Variants in TENT5D observed in about 807,000 individuals in gnomAD.
TENT5D encodes cancer/testis antigen 112.
For missense variants in TENT5D, 191 were observed against 287.0 expected (o/e 0.67, Z 2.42); for synonymous variants, 103 against 100.6 (o/e 1.02, Z -0.15).
intron 3 of TENT5D, among the ~76,000 whole-genome samples, chrX:80,398,217 A>G (rs1931323521): frequency 8.9e-6 from 1 of 112,043 alleles, no homozygotes; most frequent in Non-Finnish European, 1.9e-5. Flanking sequence ...TTTGCCTTCT[A>G]TCAAAAATGT....
chrX:80,378,844 T>C (rs1316651623), intron 3 of TENT5D, among the ~76,000 whole-genome samples: 2 of 110,480 alleles, frequency 1.8e-5, no homozygotes, highest in African/African-American at 6.6e-5. Context: ...CATTTCCTAA[T>C]TGATTACCCT....
In TENT5D at chrX:80,353,952, AT is replaced by A. The variant is rs201761388; in HGVS notation, c.-142+11397del. ...TTTGGCAGAATGTGTTATTATTATT[AT>A]TTTTTTTTACTTTTGAACAGTTACC... On this transcript the variant is annotated intron_variant, in intron 3 of 4. Transcript: ENST00000538312. 5.7e-4 allele frequency among the ~76,000 whole-genome samples: 62 copies of A among 109,378 alleles called. No homozygotes were observed. In the East Asian group the frequency reaches 0.014, roughly 24 times the overall value. 95.0% of individuals were successfully genotyped at this position (109,378 alleles called of 115,157 possible). A position where few individuals can be genotyped will look rare whatever the true frequency, so the allele number is the denominator to read the frequency against.
intron 3 of TENT5D, among the ~76,000 whole-genome samples, chrX:80,380,692 G>A (rs1304986716): frequency 9.0e-6 from 1 of 111,689 alleles, no homozygotes; most frequent in Non-Finnish European, 1.9e-5. Flanking sequence ...GTGTTGAATA[G>A]ATCCCTTTAC....
At chrX:80,349,571 C>A (rs1269544244) in intron 3 of TENT5D, among the ~76,000 whole-genome samples, 3 of 109,811 alleles carry the variant, frequency 2.7e-5, no homozygotes. Flanking sequence ...GGCTAGTGGT[C>A]TATTTTGTTA....
At chrX:80,354,790 GT>G (rs1169105622) in intron 3 of TENT5D, among the ~76,000 whole-genome samples, 1 of 106,931 alleles carries the variant, frequency 9.4e-6, no homozygotes, top group Non-Finnish European at 2.0e-5. Context: ...GCTGTTTTTT[GT>G]TTTTGTTTTA....
intron 3 of TENT5D, among the ~76,000 whole-genome samples, chrX:80,377,352 G>A (rs112648277): frequency 0.018 from 1,956 of 110,758 alleles, 43 homozygotes; most frequent in African/African-American, 0.06. Flanking sequence ...CATCATTTAC[G>A]TTAGGTATTT....
chrX:80,397,641 T>C (rs1247534753), intron 3 of TENT5D, among the ~76,000 whole-genome samples: 1 of 51,871 alleles, frequency 1.9e-5, no homozygotes, highest in Non-Finnish European at 3.5e-5. Context: ...CTGGGCACCA[T>C]GGAGCACTGA....
intron 3 of TENT5D, among the ~76,000 whole-genome samples, chrX:80,355,321 G>T (rs1930261810): frequency 8.9e-6 from 1 of 111,889 alleles, no homozygotes; most frequent in African/African-American, 3.2e-5. Context: ...GCCAGGCAGA[G>T]GCTCTGGGAG....
At chrX:80,385,828 A>G (rs1930985769) in intron 3 of TENT5D, among the ~76,000 whole-genome samples, 1 of 112,735 alleles carries the variant, frequency 8.9e-6, no homozygotes, top group Admixed American at 9.4e-5. Flanking sequence ...AAAAATGCTC[A>G]TCATCACTGG....
chrX:80,358,627 A>G (rs973574632), intron 3 of TENT5D, among the ~76,000 whole-genome samples: 1 of 111,922 alleles, frequency 8.9e-6, no homozygotes, highest in Non-Finnish European at 1.9e-5. Flanking sequence ...ATATAATATC[A>G]TCGTACAAAT....
chrX:80,402,921 C>G (rs1335236277), intron 3 of TENT5D, among the ~76,000 whole-genome samples: 1 of 111,771 alleles, frequency 8.9e-6, no homozygotes, highest in East Asian at 2.8e-4. Context: ...ATTTTCACGT[C>G]CAGTGTTTGC....
intron 3 of TENT5D, among the ~76,000 whole-genome samples, chrX:80,344,106 A>G (rs1423968435): frequency 9.1e-6 from 1 of 109,973 alleles, no homozygotes; most frequent in Non-Finnish European, 1.9e-5. Flanking sequence ...AGATGCATCT[A>G]TGTTGCTGCA....
At chrX:80,338,365 A>T (rs149818742) in intron 2 of TENT5D, among the ~76,000 whole-genome samples, 1,471 of 112,015 alleles carry the variant, frequency 0.013, 27 homozygotes, top group African/African-American at 0.045. Flanking sequence ...GGATACTTAG[A>T]AGGTGTGAAT....
chrX:80,337,984 C>T (rs901736646), intron 2 of TENT5D, among the ~76,000 whole-genome samples: 8 of 111,885 alleles, frequency 7.2e-5, no homozygotes, highest in African/African-American at 2.6e-4. Flanking sequence ...AGGCTAGTCT[C>T]AAACTCCTGA....
chrX:80,419,089 G>C (rs1280425660), upstream of TENT5D, among the ~76,000 whole-genome samples: 1 of 111,253 alleles, frequency 9.0e-6, no homozygotes, highest in African/African-American at 3.3e-5. Flanking sequence ...TGAGGATTGA[G>C]TTAATTAAAG....
intron 3 of TENT5D, among the ~76,000 whole-genome samples, chrX:80,350,642 A>G (rs1930158337): frequency 9.0e-6 from 1 of 111,022 alleles, no homozygotes; most frequent in South Asian, 3.8e-4. Context: ...CATTTAGTCC[A>G]TTTACATTTA....
intron 3 of TENT5D, among the ~76,000 whole-genome samples, chrX:80,346,380 G>T (rs1328387595): frequency 4.5e-5 from 5 of 112,221 alleles, no homozygotes; most frequent in South Asian, 7.4e-4. Flanking sequence ...CGGGGCATGT[G>T]ATAAGCGTGC....
intron 2 of TENT5D, among the ~76,000 whole-genome samples, chrX:80,340,655 A>G (rs1023978038): frequency 3.6e-5 from 4 of 111,254 alleles, no homozygotes; most frequent in Non-Finnish European, 7.5e-5. Flanking sequence ...CTCAAGCAGA[A>G]CTGTAGACAT....
At chrX:80,424,459 T>C (rs891920061) in intron 1 of TENT5D, among the ~76,000 whole-genome samples, 1 of 112,020 alleles carries the variant, frequency 8.9e-6, no homozygotes, top group African/African-American at 3.2e-5. Context: ...CTGGCAGGAC[T>C]TGTGGGATAA....
Sources: allele counts gnomAD v4.1 joint callset (sites outside exome capture counted in the v4.1 genomes callset), GRCh38; gene constraint gnomAD v4.1.1; transcripts MANE v1.5; gene names NCBI Gene and HGNC (gene_info 2026-07-23, HGNC 2026-07-21).